ROBO1: variants seen among roughly 807,000 people sequenced by gnomAD.
ROBO1 encodes the protein roundabout guidance receptor 1, also known as roundabout homolog 1.
In ROBO1, 149 loss-of-function variants were observed where a neutral mutation model predicts 195.9. The ratio of observed to expected loss-of-function variants is 0.76; its 90% CI spans 0.67 to 0.87. The LOEUF (loss-of-function observed/expected upper bound fraction) is 0.87, where lower values mean the gene tolerates loss of function less well. Among genes scored for constraint, ROBO1 ranks in the 40% least tolerant of loss-of-function variants. The pLI, the probability that ROBO1 is intolerant of heterozygous loss-of-function variation, is 0.00. For synonymous variants in ROBO1, 816 were observed against 733.2 expected, an observed-to-expected ratio of 1.11 and a Z score of -1.82; for missense variants, 1,933 against 2,068.3, an observed-to-expected ratio of 0.93 and a Z score of 1.27.
intron 2 of ROBO1, among the ~76,000 whole-genome samples, chr3:79,212,916 C>A (rs536066705): frequency 3.3e-5 from 5 of 152,136 alleles, no homozygotes; most frequent in South Asian, 2.1e-4. Flanking sequence ...TTAGCAAATT[C>A]TTTTCTTACT....
At chr3:78,686,818 T>C (rs957515335) in intron 9 of ROBO1, among the ~76,000 whole-genome samples, 1 of 152,202 alleles carries the variant, frequency 6.6e-6, no homozygotes, top group Admixed American at 6.5e-5. Context: ...ACATATCTTG[T>C]TTCTCTTGTT....
chr3:79,646,979 A>G (rs1373987184), intron 1 of ROBO1, among the ~76,000 whole-genome samples: 4 of 152,088 alleles, frequency 2.6e-5, no homozygotes, highest in African/African-American at 4.8e-5. Flanking sequence ...AAGAAATAAG[A>G]CCTGGTGTTA....
At chr3:78,658,095 A>G (rs1707152569) in intron 17 of ROBO1, among the ~76,000 whole-genome samples, 1 of 152,212 alleles carries the variant, frequency 6.6e-6, no homozygotes, top group Non-Finnish European at 1.5e-5. Flanking sequence ...TAACTTGGCT[A>G]ATAATATTTG....
At chr3:79,381,697 C>A (rs1432528871) in intron 2 of ROBO1, among the ~76,000 whole-genome samples, 1 of 151,934 alleles carries the variant, frequency 6.6e-6, no homozygotes, top group Non-Finnish European at 1.5e-5. Flanking sequence ...GGGCTTAAGG[C>A]AAATTTGCAG....
intron 10 of ROBO1, among the ~76,000 whole-genome samples, chr3:78,680,993 C>G (rs2080890001): frequency 6.6e-6 from 1 of 151,604 alleles, no homozygotes; most frequent in Admixed American, 6.6e-5. Context: ...CCATGGAATA[C>G]TATGCAGCCA....
chr3:78,878,924 A>G (rs558405059), intron 4 of ROBO1, among the ~76,000 whole-genome samples: 121 of 152,310 alleles, frequency 7.9e-4, no homozygotes, highest in African/African-American at 2.8e-3. Flanking sequence ...GCAATTACAA[A>G]AACCAAAATT....
chr3:78,810,884 A>C (rs2084717071), intron 4 of ROBO1, among the ~76,000 whole-genome samples: 3 of 152,190 alleles, frequency 2.0e-5, no homozygotes, highest in African/African-American at 7.2e-5. Context: ...AAAAAATAAA[A>C]TAAAGCCTTT....
At chr3:79,519,645 A>AAAG (rs1553757503) in intron 2 of ROBO1, among the ~76,000 whole-genome samples, 1 of 149,974 alleles carries the variant, frequency 6.7e-6, no homozygotes, top group African/African-American at 2.5e-5. Flanking sequence ...AAAAAAAAAA[A>AAAG]AAAAGAAAAG....
chr3:78,612,527 C>T lies in ROBO1; in HGVS notation c.4435+2121G>A, dbSNP rs144387256. ...CTACGTCATAACCACTGCCATCCAG[C>T]GTGTCTGCATTTCTTTTATTTAGTG... On this transcript the variant is annotated intron_variant, in intron 28 of 30. Coordinates refer to ENST00000464233, the MANE Select transcript of ROBO1 (RefSeq NM_002941.4). 2.5e-3 allele frequency among the ~76,000 whole-genome samples: 388 copies of T among 152,276 alleles called. 1 individual carries two copies. The highest frequency in any genetic ancestry group is 6.4e-3 in the East Asian group (33 of 5,176).
intron 8 of ROBO1, among the ~76,000 whole-genome samples, chr3:78,706,373 G>T (rs2081552052): frequency 6.6e-6 from 1 of 152,054 alleles, no homozygotes; most frequent in Non-Finnish European, 1.5e-5. Flanking sequence ...AAGAAAGGAG[G>T]CTAGTATCAT....
In ROBO1 at chr3:78,747,161, T is replaced by A. The variant is rs368877236; in HGVS notation, c.500-261A>T. ...ATTCCGCTGCTTAGTGCCCTCACAGTTAGTATTTGGCTCATCTTTAACTTG... is the reference window on the plus strand; with the variant it reads ...ATTCCGCTGCTTAGTGCCCTCACAGATAGTATTTGGCTCATCTTTAACTTG... On this transcript the variant is annotated intron_variant, in intron 4 of 30. Transcript: ENST00000464233. Among the ~76,000 whole-genome samples, 14 of 152,256 alleles carry A rather than the reference T, an allele frequency of 9.2e-5. No homozygotes were observed. The East Asian group carries it at 2.3e-3, about 25-fold the overall frequency.
intron 2 of ROBO1, among the ~76,000 whole-genome samples, chr3:79,264,422 T>A (rs1678880917): frequency 6.6e-6 from 1 of 151,886 alleles, no homozygotes; most frequent in East Asian, 1.9e-4. Context: ...ATTTTCTTTA[T>A]CACAATTTAA....
At chr3:79,697,714 G>A (rs1054524695) in intron 1 of ROBO1, among the ~76,000 whole-genome samples, 2 of 151,062 alleles carry the variant, frequency 1.3e-5, no homozygotes, top group Admixed American at 1.3e-4. Flanking sequence ...TCATAACAAG[G>A]AATTATAACC....
intron 26 of ROBO1, among the ~76,000 whole-genome samples, chr3:78,624,610 A>T (rs1704647856): frequency 6.6e-6 from 1 of 152,160 alleles, no homozygotes. Context: ...ATAGTATCCG[A>T]TTCCATTCAT....
chr3:79,756,527 G>T (rs1442987691), intron 1 of ROBO1, among the ~76,000 whole-genome samples: 1 of 135,952 alleles, frequency 7.4e-6, no homozygotes, highest in African/African-American at 2.9e-5. Context: ...TCCAGCCTGG[G>T]CAAAATGAGC....
chr3:78,716,261 C>T (rs1434086110), intron 7 of ROBO1, among the ~76,000 whole-genome samples: 1 of 152,242 alleles, frequency 6.6e-6, no homozygotes, highest in Non-Finnish European at 1.5e-5. Context: ...TGAAGAAATA[C>T]CCGAAACTGG....
chr3:79,741,299 G>C (rs1205324517), intron 1 of ROBO1, among the ~76,000 whole-genome samples: 1 of 152,166 alleles, frequency 6.6e-6, no homozygotes, highest in African/African-American at 2.4e-5. Flanking sequence ...GTAAAACTTA[G>C]AGTAGGGTAT....
At chr3:79,430,484 C>A (rs1017194671) in intron 2 of ROBO1, among the ~76,000 whole-genome samples, 3 of 151,878 alleles carry the variant, frequency 2.0e-5, no homozygotes, top group African/African-American at 7.3e-5. Flanking sequence ...ATTGATTAGA[C>A]CCCTAAGAAA....
chr3:79,439,284 C>A (rs1362151122), intron 2 of ROBO1, among the ~76,000 whole-genome samples: 1 of 151,980 alleles, frequency 6.6e-6, no homozygotes, highest in African/African-American at 2.4e-5. Flanking sequence ...CAACAGAAGC[C>A]AATGAGGATG....
Sources: allele counts gnomAD v4.1 joint callset (sites outside exome capture counted in the v4.1 genomes callset), GRCh38; gene constraint gnomAD v4.1.1; transcripts MANE v1.5; gene names NCBI Gene and HGNC (gene_info 2026-07-23, HGNC 2026-07-21).